FER1L5: variants seen among roughly 807,000 people sequenced by gnomAD.
FER1L5 encodes the protein fer-1-like protein 5.
A neutral mutation model predicts 279.9 loss-of-function variants in FER1L5; 187 were observed. That is an observed-to-expected ratio of 0.67 (90% CI 0.59 to 0.75). The LOEUF is 0.75. Ranked by LOEUF, FER1L5 falls within the 30% of genes least tolerant of loss-of-function variation. The pLI is 0.00. For synonymous variants in FER1L5, 921 were observed against 989.7 expected (o/e 0.93, Z 1.30); for missense variants, 2,091 against 2,594.4 (o/e 0.81, Z 4.21).
chr2:96,704,004 C>T (rs1365836653), intron 51 of FER1L5, among the ~76,000 whole-genome samples: 2 of 151,836 alleles, frequency 1.3e-5, no homozygotes, highest in South Asian at 2.1e-4. Context: ...TTAGTAGAGA[C>T]GCGGTTTCAC....
chr2:96,649,751 G>T lies in FER1L5; in HGVS notation c.394+74G>T, dbSNP rs1466961641. On this transcript the variant is annotated intron_variant, in intron 5 of 52. Coordinates refer to ENST00000624922, the MANE Select transcript of FER1L5 (RefSeq NM_001293083.2). ...GCATGCACAGCTGGATGGGTTCTTG[G>T]GGACCTTCAAAACCCAGCCCTTGAG... is the stretch of plus-strand genomic sequence containing the variant. 3.4e-6 allele frequency: 5 copies of T among 1,470,012 alleles called. No individual in the cohort carries two copies. The African/African-American group carries it at 7.0e-5, about 21-fold the overall frequency. The allele number at this position is 1,470,012 out of a possible 1,614,324, so 91.1% of individuals were successfully genotyped here.
chr2:96,670,819 T>C (rs1419890588), intron 18 of FER1L5, among the ~76,000 whole-genome samples: 1 of 150,922 alleles, frequency 6.6e-6, no homozygotes, highest in African/African-American at 2.4e-5. Context: ...AAATGCCTAA[T>C]CTGTGCCGGG....
intron 21 of FER1L5, 61 bp from the exon 22 acceptor site, chr2:96,685,879 G>A (rs768123531): frequency 6.8e-7 from 1 of 1,464,378 alleles, no homozygotes; most frequent in Non-Finnish European, 9.0e-7. Context: ...GGCAGGGCAG[G>A]AATGGTGACA....
chr2:96,670,390 AT>A (rs1281254428), intron 18 of FER1L5, 143 bp downstream of exon 18: 8 of 1,109,172 alleles, frequency 7.2e-6, no homozygotes, highest in Non-Finnish European at 7.5e-6. Flanking sequence ...AATCGGCCTG[AT>A]TATTTACTAA....
chr2:96,655,743 T>C (rs2075573110), intron 9 of FER1L5, among the ~76,000 whole-genome samples: 1 of 152,144 alleles, frequency 6.6e-6, no homozygotes, highest in Non-Finnish European at 1.5e-5. Context: ...GTGATCTTGC[T>C]TTGTCACCCA....
intron 18 of FER1L5, 124 bp downstream of exon 18, chr2:96,670,371 T>C: frequency 2.4e-6 from 3 of 1,265,970 alleles, no homozygotes; most frequent in Non-Finnish European, 3.2e-6. Flanking sequence ...TGTGTAAGGA[T>C]GCCTGATCAA....
chr2:96,659,180 G>A (rs2106493277), intron 9 of FER1L5, among the ~76,000 whole-genome samples: 1 of 152,048 alleles, frequency 6.6e-6, no homozygotes, highest in East Asian at 1.9e-4. Context: ...TGATCCGCCT[G>A]CCTCAGCCTC....
At position 96,661,354 on chromosome 2, in the gene FER1L5, C is replaced by T. The variant is rs1252575454; in HGVS notation, c.808C>T (p.Leu270Phe). The T allele has an allele frequency of 6.4e-7, 1 of 1,551,438 alleles. No individual in the cohort carries two copies. Among genetic ancestry groups the T allele is most frequent in the Non-Finnish European group, 8.7e-7 (1 of 1,146,892 alleles). ...CACACTCCTAAGGAAATGGCTAGGCCTCTGCCAGCCAAATAACCCTGGCAG... is the reference window on the plus strand; with the variant it reads ...CACACTCCTAAGGAAATGGCTAGGCTTCTGCCAGCCAAATAACCCTGGCAG... ...GHTLLRKWLG[L>F]CQPNNPGSGV... Residue 270 changes from leucine (L) to phenylalanine (F), a missense_variant, in exon 11 of 53, where the codon CTC becomes TTC. Coordinates refer to ENST00000624922, the MANE Select transcript of FER1L5 (RefSeq NM_001293083.2).
At chr2:96,677,120 G>A (rs932987102) in intron 19 of FER1L5, among the ~76,000 whole-genome samples, 1 of 152,264 alleles carries the variant, frequency 6.6e-6, no homozygotes, top group Non-Finnish European at 1.5e-5. Context: ...GGGATTACAG[G>A]CGTGGGCCAC....
rs781568927 is a variant in FER1L5, at chr2:96,698,527, C to T, written c.4357-144C>T. Reference sequence around the variant, plus strand: ...CCTGCTGAACACCTTCTGTACCTGCCTCCACTGTCCTCATGGCCTTCTATC... The same window carrying T: ...CCTGCTGAACACCTTCTGTACCTGCTTCCACTGTCCTCATGGCCTTCTATC... On this transcript the variant is annotated intron_variant, in intron 40 of 52. Coordinates refer to ENST00000624922, the MANE Select transcript of FER1L5 (RefSeq NM_001293083.2). The surrounding 1 kb of genome is among the most constrained non-coding windows in gnomAD (Gnocchi z 5.5). 4.8e-5 allele frequency: 34 copies of T among 707,992 alleles called. No individual in the cohort carries two copies. The highest frequency in any genetic ancestry group is 7.4e-5 in the South Asian group (4 of 54,192). The allele number at this position is 707,992 out of a possible 1,614,324, so 43.9% of individuals were successfully genotyped here.
chr2:96,698,861 T>C lies in FER1L5; in HGVS notation c.4518+29T>C. On this transcript the variant is annotated intron_variant, in intron 41 of 52. Coordinates refer to ENST00000624922, the MANE Select transcript of FER1L5 (RefSeq NM_001293083.2). The surrounding 1 kb of genome is among the most constrained non-coding windows in gnomAD (Gnocchi z 5.5). The stretch of plus-strand genomic sequence containing the variant: ...AAGAACAGTACCTGCCCCACACAGG[T>C]GCCCCGCACGCTCCCCTCAACCCAT... The C allele has an allele frequency of 6.4e-7, 1 of 1,552,404 alleles. No individual in the cohort carries two copies. Among genetic ancestry groups the C allele is most frequent in the Non-Finnish European group, 8.7e-7 (1 of 1,147,410 alleles).
At position 96,685,198 on chromosome 2, in the gene FER1L5, T is replaced by A. The variant is rs902707187; in HGVS notation, c.1795-131T>A. 1.5e-5 allele frequency: 11 copies of A among 732,344 alleles called. No individual in the cohort carries two copies. In the Admixed American group the frequency reaches 2.3e-4, roughly 15 times the overall value. The allele number at this position is 732,344 out of a possible 1,614,324, so 45.4% of individuals were successfully genotyped here. On this transcript the variant is annotated intron_variant, in intron 20 of 52. Coordinates refer to ENST00000624922, the MANE Select transcript of FER1L5 (RefSeq NM_001293083.2). ...GGAGTTGTGGACAACCTTGAACTGA[T>A]ATCACCAGGTTATCCCTCAAAGTTC...
chr2:96,661,975 C>T (rs1168279027), intron 12 of FER1L5, among the ~76,000 whole-genome samples, 184 bp downstream of exon 12: 5 of 152,126 alleles, frequency 3.3e-5, no homozygotes, highest in Admixed American at 6.5e-5. Context: ...CCCTTTCAAA[C>T]GGGTCTCACA....
At chr2:96,685,499 G>A (rs895404416) in intron 21 of FER1L5, 70 bp downstream of exon 21, 27 of 1,329,914 alleles carry the variant, frequency 2.0e-5, no homozygotes, top group Non-Finnish European at 2.5e-5. Flanking sequence ...GGGACTCAGC[G>A]CAGTGCCCTG....
At position 96,684,376 on chromosome 2, in the gene FER1L5, C is replaced by T. The variant is rs114142480; in HGVS notation, c.1719C>T (p.Ala573=). 1,950 of 1,551,668 alleles carry T rather than the reference C, an allele frequency of 1.3e-3. 21 individuals carry two copies. In the African/African-American group the frequency reaches 0.024, roughly 19 times the overall value. Residue 573 remains alanine, a synonymous_variant, in exon 20 of 53, where the codon GCC becomes GCT. Transcript: ENST00000624922. ...VPWYNTKPVV[A]VTSNWEDVSF... ...GGTACAACACCAAGCCTGTCGTGGC[C>T]GTGACCTCCAACTGGGAGGACGTCA...
intron 9 of FER1L5, among the ~76,000 whole-genome samples, chr2:96,659,509 CGAGACAGA>C (rs1192653789): frequency 1.3e-5 from 1 of 75,760 alleles, no homozygotes; most frequent in Middle Eastern, 5.0e-3. Context: ...TTCTTTCTTT[CGAGACAGA>C]GTCTCGCTCT....
In FER1L5 at chr2:96,698,983, C is replaced by T; in HGVS notation, c.4519-62C>T. ...CTTGTTTCCACCCTCCTCCCACCCTCCCTGACAAACCTGGACGGCCTCCCC... is the reference window on the plus strand; with the variant it reads ...CTTGTTTCCACCCTCCTCCCACCCTTCCTGACAAACCTGGACGGCCTCCCC... On this transcript the variant is annotated intron_variant, in intron 41 of 52. Coordinates refer to ENST00000624922, the MANE Select transcript of FER1L5 (RefSeq NM_001293083.2). This position sits in a 1 kb window ranked among gnomAD's most constrained non-coding sequence, Gnocchi z 5.5. 5.8e-6 allele frequency: 9 copies of T among 1,546,732 alleles called. No individual in the cohort carries two copies. The South Asian group carries it at 7.1e-5, about 12-fold the overall frequency.
rs1187736790 is a variant in FER1L5, at chr2:96,689,068, G to A, written c.2362-145G>A. The A allele has an allele frequency of 1.0e-6, 1 of 962,318 alleles. No individual in the cohort carries two copies. The highest frequency in any genetic ancestry group is 1.7e-5 in the African/African-American group (1 of 59,810). The allele number at this position is 962,318 out of a possible 1,614,324, so 59.6% of individuals were successfully genotyped here. ...TCTGGGCCTCAGTGCCCTCACCTGT[G>A]CAATGGGGACATGGCCCTTTCTTGC... is the stretch of plus-strand genomic sequence containing the variant. On this transcript the variant is annotated intron_variant, in intron 24 of 52. Coordinates refer to ENST00000624922, the MANE Select transcript of FER1L5 (RefSeq NM_001293083.2). This position sits in a 1 kb window ranked among gnomAD's most constrained non-coding sequence, Gnocchi z 4.6.
At chr2:96,643,649 C>T (rs1456334059) in intron 1 of FER1L5, among the ~76,000 whole-genome samples, 1 of 152,034 alleles carries the variant, frequency 6.6e-6, no homozygotes, top group East Asian at 1.9e-4. Context: ...CGCGCCCAGC[C>T]TACAAAGCCT....
Sources: gnomAD v4.1 joint callset for allele counts (sites outside exome capture counted in the v4.1 genomes callset) on GRCh38, gnomAD v4.1.1 for gene constraint, Gnocchi (gnomAD v3.1) non-coding constraint, MANE v1.5 for transcripts, NCBI Gene and HGNC (gene_info 2026-07-23, HGNC 2026-07-21) for gene names.